Variants in PTPRN2 observed in about 807,000 individuals in gnomAD.
PTPRN2 encodes the protein protein tyrosine phosphatase receptor type N2.
In PTPRN2, 74 loss-of-function variants were observed where a neutral mutation model predicts 118.8. That is an observed-to-expected ratio of 0.62 (90% CI 0.52 to 0.76). The LOEUF (loss-of-function observed/expected upper bound fraction) is 0.76. Among genes scored for constraint, PTPRN2 ranks in the 30% least tolerant of loss-of-function variants. PTPRN2 has a pLI of 0.00. For missense variants in PTPRN2, 1,481 were observed against 1,394.4 expected, an observed-to-expected ratio of 1.06 and a Z score of -0.99; for synonymous variants, 641 against 608.0, an observed-to-expected ratio of 1.05 and a Z score of -0.80.
At chr7:158,244,509 G>A (rs1444726057) in intron 3 of PTPRN2, among the ~76,000 whole-genome samples, 1 of 151,730 alleles carries the variant, frequency 6.6e-6, no homozygotes, top group Non-Finnish European at 1.5e-5. Flanking sequence ...GAGTTTTTGT[G>A]TGAGCTGTGT....
rs994275815 is a variant in PTPRN2, at chr7:157,989,685, G to A, written c.1724-90948C>T. Reference sequence around the variant, plus strand: ...ACACCATGGTCTGGGGGAGGCAGCGGGGGCGGGTGCCACCTCACCTTCGGG... The same window carrying A: ...ACACCATGGTCTGGGGGAGGCAGCGAGGGCGGGTGCCACCTCACCTTCGGG... On this transcript the variant is annotated intron_variant, in intron 11 of 22. Transcript: ENST00000389418. Among the ~76,000 whole-genome samples, 133 of 152,064 alleles carry A rather than the reference G, an allele frequency of 8.7e-4. 2 individuals are homozygous for A. The highest frequency in any genetic ancestry group is 3.1e-4 in the Non-Finnish European group (21 of 68,012).
intron 11 of PTPRN2, among the ~76,000 whole-genome samples, chr7:157,911,475 T>G (rs945946640): frequency 2.6e-5 from 4 of 152,246 alleles, no homozygotes; most frequent in Admixed American, 2.6e-4. Context: ...AAATGATTCC[T>G]CTCACCAACT....
At chr7:158,416,303 C>A (rs534357613) in intron 2 of PTPRN2, among the ~76,000 whole-genome samples, 1 of 152,326 alleles carries the variant, frequency 6.6e-6, no homozygotes, top group East Asian at 1.9e-4. Context: ...GCAGGCCCAA[C>A]CCACAGGGAT....
chr7:157,998,217 C>T (rs186531922), intron 11 of PTPRN2, among the ~76,000 whole-genome samples: 131 of 152,184 alleles, frequency 8.6e-4, no homozygotes, highest in Middle Eastern at 3.4e-3. Context: ...AGCTTTTACC[C>T]GGCAGCCTCA....
intron 9 of PTPRN2, among the ~76,000 whole-genome samples, chr7:158,132,372 CAT>C (rs1818412174): frequency 1.3e-5 from 2 of 152,018 alleles, no homozygotes; most frequent in African/African-American, 2.4e-5. Flanking sequence ...GACATACACT[CAT>C]ACACACACAT....
rs1315726798 is a variant in PTPRN2 at position 158,546,862 on chromosome 7, C to T, written c.112+40696G>A. On this transcript the variant is annotated intron_variant, in intron 1 of 22. Coordinates refer to ENST00000389418, the MANE Select transcript of PTPRN2 (RefSeq NM_002847.5). This position sits in a 1 kb window ranked among gnomAD's most constrained non-coding sequence, Gnocchi z 5.0. ...CCAGAGGGGCTCAGCTTATGGTTAA[C>T]GCTGGGGCTGCCTTCATCTCACGCA... 1.3e-5 allele frequency among the ~76,000 whole-genome samples: 2 copies of T among 152,240 alleles called. No homozygotes were observed. Among genetic ancestry groups the T allele is most frequent in the Non-Finnish European group, 2.9e-5 (2 of 68,040 alleles).
intron 3 of PTPRN2, among the ~76,000 whole-genome samples, chr7:158,206,567 G>C (rs572337368): frequency 1.3e-5 from 2 of 152,072 alleles, no homozygotes; most frequent in Admixed American, 6.5e-5. Context: ...AGCTCGGGGA[G>C]GGGGGGAGAG....
intron 11 of PTPRN2, among the ~76,000 whole-genome samples, chr7:158,076,954 G>A (rs887204646): frequency 3.3e-5 from 5 of 152,240 alleles, no homozygotes; most frequent in East Asian, 1.9e-4. Flanking sequence ...GTGAAGCACC[G>A]ATGCCTGCCT....
chr7:158,119,048 C>T lies in PTPRN2; in HGVS notation c.1557-8133G>A, dbSNP rs187809082. On this transcript the variant is annotated intron_variant, in intron 9 of 22. Coordinates refer to ENST00000389418, the MANE Select transcript of PTPRN2 (RefSeq NM_002847.5). ...AGATAGCACTGTGAGTGTATTATTG[C>T]TACATTTTTAGTTTAACGTAAAATT... Among the ~76,000 whole-genome samples the T allele has an allele frequency of 3.3e-5, 5 of 152,214 alleles. No homozygotes were observed. The East Asian group carries it at 9.6e-4, about 29-fold the overall frequency.
intron 12 of PTPRN2, among the ~76,000 whole-genome samples, chr7:157,752,221 G>A (rs539469561): frequency 2.6e-5 from 4 of 152,324 alleles, no homozygotes; most frequent in South Asian, 2.1e-4. Flanking sequence ...TGGCCAGGGC[G>A]GCTAAGACAG....
In PTPRN2 at chr7:157,847,808, G is replaced by A. The variant is rs1467219943; in HGVS notation, c.1788+50865C>T. Among the ~76,000 whole-genome samples the A allele has an allele frequency of 2.8e-5, 4 of 143,956 alleles. No homozygotes were observed. In the East Asian group the frequency reaches 6.5e-4, roughly 23 times the overall value. 94.4% of individuals were successfully genotyped at this position (143,956 alleles called of 152,430 possible). On this transcript the variant is annotated intron_variant, in intron 12 of 22. Coordinates refer to ENST00000389418, the MANE Select transcript of PTPRN2 (RefSeq NM_002847.5). ...CTCTCTCACTCCATCATGCGTGCCCGATGTCTACAGAGCCCTCTCTCACTC... is the reference window on the plus strand; with the variant it reads ...CTCTCTCACTCCATCATGCGTGCCCAATGTCTACAGAGCCCTCTCTCACTC...
chr7:158,308,173 G>A (rs532537573), intron 3 of PTPRN2, among the ~76,000 whole-genome samples: 13 of 152,266 alleles, frequency 8.5e-5, no homozygotes, highest in Admixed American at 8.5e-4. Context: ...CTGAGACTAT[G>A]AAGGCCAAGA....
At chr7:157,569,062 G>GGGGCC in intron 20 of PTPRN2, 96 bp from the exon 21 acceptor site, 1 of 1,208,294 alleles carries the variant, frequency 8.3e-7, no homozygotes, top group Non-Finnish European at 1.2e-6. Flanking sequence ...CCTGCTTACG[G>GGGGCC]GGGCCGGCGA....
At chr7:158,388,686 C>A (rs964423368) in intron 2 of PTPRN2, among the ~76,000 whole-genome samples, 66 of 152,246 alleles carry the variant, frequency 4.3e-4, no homozygotes, top group African/African-American at 1.5e-3. Flanking sequence ...GGTGATTAAC[C>A]CCCCAAGAGT....
At chr7:158,257,514 T>TG (rs1797108172) in intron 3 of PTPRN2, among the ~76,000 whole-genome samples, 2 of 152,300 alleles carry the variant, frequency 1.3e-5, no homozygotes, top group Admixed American at 6.5e-5. Flanking sequence ...CTCTTCCTTC[T>TG]GGGGGGCCCT....
At chr7:157,930,033 T>A (rs1799267833) in intron 11 of PTPRN2, among the ~76,000 whole-genome samples, 1 of 152,204 alleles carries the variant, frequency 6.6e-6, no homozygotes, top group Non-Finnish European at 1.5e-5. Flanking sequence ...TGACGCAGAC[T>A]GTAATAATCA....
chr7:157,881,966 T>C lies in PTPRN2; in HGVS notation c.1788+16707A>G, dbSNP rs1796155106. Among the ~76,000 whole-genome samples the C allele has an allele frequency of 6.6e-6, 1 of 151,382 alleles. No homozygotes were observed. Among genetic ancestry groups the C allele is most frequent in the Admixed American group, 6.6e-5 (1 of 15,212 alleles). On this transcript the variant is annotated intron_variant, in intron 12 of 22. Coordinates refer to ENST00000389418, the MANE Select transcript of PTPRN2 (RefSeq NM_002847.5). This position sits in a 1 kb window ranked among gnomAD's most constrained non-coding sequence, Gnocchi z 4.7. ...CACATCACCCCAAAAATGACTGTCA[T>C]ACATCAGAACATGCCACCCCAAAAA...
At chr7:158,336,295 GTCAC>G (rs1805508146) in intron 2 of PTPRN2, among the ~76,000 whole-genome samples, 2 of 101,968 alleles carry the variant, frequency 2.0e-5, no homozygotes, top group African/African-American at 6.7e-5. Flanking sequence ...GCCCGCAGAC[GTCAC>G]TCACACCCAC....
At chr7:158,125,017 G>T (rs1817510080) in intron 9 of PTPRN2, among the ~76,000 whole-genome samples, 1 of 152,236 alleles carries the variant, frequency 6.6e-6, no homozygotes, top group Non-Finnish European at 1.5e-5. Context: ...AGGGGAGAAG[G>T]GGAGACAGCA....
Sources: gnomAD v4.1 joint callset for allele counts (sites outside exome capture counted in the v4.1 genomes callset) on GRCh38, gnomAD v4.1.1 for gene constraint, Gnocchi (gnomAD v3.1) non-coding constraint, MANE v1.5 for transcripts, NCBI Gene and HGNC (gene_info 2026-07-23, HGNC 2026-07-21) for gene names.